Variants in SLCO3A1 observed in about 807,000 individuals in gnomAD.
SLCO3A1 encodes PGE1 transporter.
In SLCO3A1, 27 loss-of-function variants were observed where a neutral mutation model predicts 63.1. The ratio of observed to expected loss-of-function variants is 0.43; its 90% confidence interval spans 0.32 to 0.59. SLCO3A1 has a LOEUF of 0.59. Among genes scored for constraint, SLCO3A1 ranks in the 20% least tolerant of loss-of-function variants. SLCO3A1 has a pLI of 0.09. For missense variants in SLCO3A1, 773 were observed against 945.8 expected, an observed-to-expected ratio of 0.82 and a Z score of 2.40; for synonymous variants, 473 against 409.9, an observed-to-expected ratio of 1.15 and a Z score of -1.86.
chr15:92,163,267 A>C lies in SLCO3A1; in HGVS notation c.*132A>C, dbSNP rs1472866354. 2.2e-6 allele frequency: 3 copies of C among 1,354,206 alleles called. No homozygotes were observed. The highest frequency in any genetic ancestry group is 5.6e-5 in the East Asian group (2 of 35,656). The allele number at this position is 1,354,206 out of a possible 1,614,324, so 83.9% of individuals were successfully genotyped here. A position where few individuals can be genotyped will look rare whatever the true frequency, so the allele number is the denominator to read the frequency against. ...GGCACAGATGCACACACACGCAGACAGACACACCGACTTTGTCCTTTTTCT... is the reference window on the plus strand; with the variant it reads ...GGCACAGATGCACACACACGCAGACCGACACACCGACTTTGTCCTTTTTCT... On this transcript the variant is annotated 3_prime_UTR_variant, in exon 10 of 10. Coordinates refer to ENST00000318445, the MANE Select transcript of SLCO3A1 (RefSeq NM_013272.4).
At chr15:92,014,128 G>T (rs1036142806) in intron 2 of SLCO3A1, among the ~76,000 whole-genome samples, 5 of 152,062 alleles carry the variant, frequency 3.3e-5, no homozygotes, top group Non-Finnish European at 5.9e-5. Flanking sequence ...CCTTTGTCTC[G>T]GCTGGCACCT....
At chr15:92,125,115 C>T (rs1246452085) in intron 5 of SLCO3A1, among the ~76,000 whole-genome samples, 4 of 152,128 alleles carry the variant, frequency 2.6e-5, no homozygotes, top group African/African-American at 9.7e-5. Context: ...TATATTTTCT[C>T]ACCCCAATAT....
At chr15:91,981,414 C>T (rs1477231669) in intron 2 of SLCO3A1, among the ~76,000 whole-genome samples, 1 of 152,136 alleles carries the variant, frequency 6.6e-6, no homozygotes, top group Non-Finnish European at 1.5e-5. Flanking sequence ...GACTCCGCTT[C>T]ATGCCCTTTA....
At chr15:92,130,663 G>C (rs1303501201) in intron 7 of SLCO3A1, among the ~76,000 whole-genome samples, 2 of 152,152 alleles carry the variant, frequency 1.3e-5, no homozygotes, top group Non-Finnish European at 2.9e-5. Context: ...TTAAGGTCCA[G>C]GTAATGGGGC....
chr15:91,906,120 A>G (rs1898300012), intron 1 of SLCO3A1, among the ~76,000 whole-genome samples: 1 of 152,206 alleles, frequency 6.6e-6, no homozygotes, highest in Admixed American at 6.5e-5. Flanking sequence ...TCATGGAATC[A>G]TAGTGGAGAG....
chr15:92,023,194 T>TC (rs2046531409), intron 2 of SLCO3A1, among the ~76,000 whole-genome samples: 1 of 152,134 alleles, frequency 6.6e-6, no homozygotes, highest in African/African-American at 2.4e-5. Context: ...CCTTGATATT[T>TC]CCCTGCAGCC....
intron 2 of SLCO3A1, among the ~76,000 whole-genome samples, chr15:91,976,069 T>C (rs1384698901): frequency 1.3e-5 from 2 of 152,222 alleles, no homozygotes; most frequent in African/African-American, 4.8e-5. Flanking sequence ...CTGCAAATGA[T>C]GGACATTCAA....
chr15:92,038,981 G>T (rs1014568580), intron 2 of SLCO3A1, among the ~76,000 whole-genome samples: 1 of 152,060 alleles, frequency 6.6e-6, no homozygotes, highest in Non-Finnish European at 1.5e-5. Context: ...TTCAAGAAAC[G>T]GGACAAAAGC....
intron 2 of SLCO3A1, among the ~76,000 whole-genome samples, chr15:91,958,421 AT>A (rs1248437657): frequency 1.3e-5 from 2 of 152,082 alleles, no homozygotes; most frequent in African/African-American, 4.8e-5. Flanking sequence ...TGGGCACTGG[AT>A]TTGGGCAGCC....
At chr15:91,906,437 A>T (rs12591949) in intron 1 of SLCO3A1, among the ~76,000 whole-genome samples, 85,566 of 152,106 alleles carry the variant, frequency 0.56, 24,626 homozygotes, top group East Asian at 0.91. Flanking sequence ...TTGCCTATCC[A>T]GCCCCTGGCA....
rs77220253 is a variant in SLCO3A1, at chr15:92,123,559, G to A, written c.1175-2502G>A. ...AAGAACTCTCTACCACCCACCACTTGGTCAATTTTACCTCCAAGAGGTATT... is the reference window on the plus strand; with the variant it reads ...AAGAACTCTCTACCACCCACCACTTAGTCAATTTTACCTCCAAGAGGTATT... On this transcript the variant is annotated intron_variant, in intron 5 of 9. Coordinates refer to ENST00000318445, the MANE Select transcript of SLCO3A1 (RefSeq NM_013272.4). Among the ~76,000 whole-genome samples the A allele has an allele frequency of 2.0e-4, 31 of 152,214 alleles. No individual in the cohort carries two copies. The East Asian group carries it at 5.6e-3, about 27-fold the overall frequency.
In SLCO3A1 at chr15:91,974,195, G is replaced by A. The variant is rs542167910; in HGVS notation, c.646+57737G>A. ...AACAGTAAGGATAAGAACCAGGACA[G>A]CAGGTTCCAGAAAGCCAGGTCCCTT... On this transcript the variant is annotated intron_variant, in intron 2 of 9. Transcript: ENST00000318445. 3.9e-5 allele frequency among the ~76,000 whole-genome samples: 6 copies of A among 152,102 alleles called. No homozygotes were observed. The East Asian group carries it at 1.2e-3, about 29-fold the overall frequency.
At chr15:92,016,286 T>TGATTGATTAG (rs1567068205) in intron 2 of SLCO3A1, among the ~76,000 whole-genome samples, 1 of 82,200 alleles carries the variant, frequency 1.2e-5, no homozygotes, top group African/African-American at 4.1e-5. Flanking sequence ...AGATAGATGT[T>TGATTGATTAG]ATAGATATAT....
At chr15:91,970,712 G>T (rs776893491) in intron 2 of SLCO3A1, among the ~76,000 whole-genome samples, 2 of 152,092 alleles carry the variant, frequency 1.3e-5, no homozygotes, top group Non-Finnish European at 2.9e-5. Context: ...GGTGTATCCT[G>T]CCACTGTGCA....
chr15:92,062,564 G>A (rs1196577920), intron 2 of SLCO3A1, among the ~76,000 whole-genome samples: 1 of 152,190 alleles, frequency 6.6e-6, no homozygotes, highest in African/African-American at 2.4e-5. Context: ...TAGAAGGCTT[G>A]GAAAGAGAAG....
chr15:92,147,185 C>CTCCTCCTT (rs2048237917), intron 8 of SLCO3A1, 26 bp downstream of exon 8: 2 of 1,592,940 alleles, frequency 1.3e-6, no homozygotes, highest in Non-Finnish European at 1.7e-6. Context: ...AGCCCCGCCT[C>CTCCTCCTT]TCCTCCTTTC....
intron 2 of SLCO3A1, among the ~76,000 whole-genome samples, chr15:92,081,843 T>G (rs1426727623): frequency 6.6e-6 from 1 of 152,176 alleles, no homozygotes; most frequent in Non-Finnish European, 1.5e-5. Context: ...GAGTGAGACC[T>G]AGGGATTGGT....
chr15:92,106,100 A>G (rs552263001), intron 4 of SLCO3A1, among the ~76,000 whole-genome samples: 9 of 152,372 alleles, frequency 5.9e-5, no homozygotes, highest in African/African-American at 2.2e-4. Flanking sequence ...ACTGCTGCAG[A>G]AGACTGTCTG....
At chr15:91,929,809 T>A (rs1899160399) in intron 2 of SLCO3A1, among the ~76,000 whole-genome samples, 1 of 152,156 alleles carries the variant, frequency 6.6e-6, no homozygotes, top group Non-Finnish European at 1.5e-5. Context: ...TTGTGACTGG[T>A]TTATTTCACG....
Sources: gnomAD v4.1 joint callset for allele counts (sites outside exome capture counted in the v4.1 genomes callset) on GRCh38, gnomAD v4.1.1 for gene constraint, MANE v1.5 for transcripts, NCBI Gene and HGNC (gene_info 2026-07-23, HGNC 2026-07-21) for gene names.